Variants in PSMA6 observed in about 807,000 individuals in gnomAD.
PSMA6 encodes proteasome subunit alpha type-6.
For missense variants in PSMA6, 170 were observed against 294.8 expected (o/e 0.58, Z 3.10); for synonymous variants, 88 against 97.7 (o/e 0.90, Z 0.59).
intron 6 of PSMA6, chr14:35,316,554 T>C (rs1488992017): frequency 6.6e-6 from 1 of 151,892 alleles, no homozygotes; most frequent in Non-Finnish European, 1.5e-5. Flanking sequence ...TGACATAAAT[T>C]TCAGTTATAC....
At chr14:35,293,612 CT>C (rs1169020032) in intron 1 of PSMA6, among the ~76,000 whole-genome samples, 2 of 152,194 alleles carry the variant, frequency 1.3e-5, no homozygotes, top group African/African-American at 4.8e-5. Context: ...TGGAATGAAA[CT>C]GCTCAGTGTA....
At chr14:35,280,105 T>C (rs1180768811) in intron 1 of PSMA6, among the ~76,000 whole-genome samples, 1 of 147,066 alleles carries the variant, frequency 6.8e-6, no homozygotes. Context: ...AGCTCCAGCC[T>C]GGGCGACAGA....
chr14:35,287,931 T>G (rs1422701818), upstream of PSMA6, among the ~76,000 whole-genome samples: 1 of 60,946 alleles, frequency 1.6e-5, no homozygotes, highest in Non-Finnish European at 3.3e-5. Context: ...GATTTCCCTT[T>G]GAATGGAATT....
At position 35,317,393 on chromosome 14, in the gene PSMA6, G is replaced by GAAAAAAAAAAA; in HGVS notation, c.*92_*93insAAAAAAAAAAA. On this transcript the variant is annotated 3_prime_UTR_variant, in exon 7 of 7. Coordinates refer to ENST00000261479, the MANE Select transcript of PSMA6 (RefSeq NM_002791.3). ...CCAACATCATGGAGGTCCCTGGATTGAAAAAGGAGCCTCTCCCACTCCTCC... is the reference window on the plus strand; with the variant it reads ...CCAACATCATGGAGGTCCCTGGATTGAAAAAAAAAAAAAAAAGGAGCCTCTCCCACTCCTCC... The GAAAAAAAAAAA allele has an allele frequency of 8.3e-7, 1 of 1,207,170 alleles. No individual in the cohort carries two copies. Among genetic ancestry groups the GAAAAAAAAAAA allele is most frequent in the African/African-American group, 1.5e-5 (1 of 66,106 alleles). The allele number at this position is 1,207,170 out of a possible 1,614,324, so 74.8% of individuals were successfully genotyped here. A position where few individuals can be genotyped will look rare whatever the true frequency, so the allele number is the denominator to read the frequency against.
intron 1 of PSMA6, among the ~76,000 whole-genome samples, chr14:35,298,092 G>T (rs951782782): frequency 3.3e-5 from 5 of 152,102 alleles, no homozygotes; most frequent in African/African-American, 1.2e-4. Flanking sequence ...TGGCAGTTTC[G>T]TGTGGTTCAA....
intron 5 of PSMA6, 78 bp downstream of exon 5, chr14:35,313,137 C>G (rs909507527): frequency 5.3e-5 from 68 of 1,288,890 alleles, no homozygotes; most frequent in Non-Finnish European, 7.0e-5. Context: ...CTATACAAAG[C>G]TATTCCTGAA....
chr14:35,300,939 A>G (rs1160352495), intron 1 of PSMA6, among the ~76,000 whole-genome samples: 3 of 152,208 alleles, frequency 2.0e-5, no homozygotes, highest in Non-Finnish European at 4.4e-5. Context: ...ATTTTTAGAC[A>G]TGTCTGTGGC....
chr14:35,310,247 C>T (rs1315897224), intron 3 of PSMA6: 3 of 429,190 alleles, frequency 7.0e-6, no homozygotes, highest in Non-Finnish European at 1.4e-5. Flanking sequence ...TGCTCCGCCT[C>T]CTGGGTTCAA....
At chr14:35,300,737 C>T (rs1036882130) in intron 1 of PSMA6, among the ~76,000 whole-genome samples, 7 of 152,140 alleles carry the variant, frequency 4.6e-5, no homozygotes, top group Middle Eastern at 3.2e-3. Flanking sequence ...CCCTTTCCCA[C>T]GCACTTTCCC....
At chr14:35,287,252 C>G (rs1160536354) in intron 1 of PSMA6, among the ~76,000 whole-genome samples, 2 of 152,132 alleles carry the variant, frequency 1.3e-5, no homozygotes, top group African/African-American at 4.8e-5. Context: ...TCCTACGTCC[C>G]TTTCTTTACC....
intron 1 of PSMA6, among the ~76,000 whole-genome samples, chr14:35,307,178 A>G (rs1486721915): frequency 2.0e-5 from 3 of 152,152 alleles, no homozygotes; most frequent in Middle Eastern, 3.2e-3. Flanking sequence ...GTTGTAGGTA[A>G]CATAAAAATT....
intron 1 of PSMA6, among the ~76,000 whole-genome samples, chr14:35,302,039 G>T (rs1034707979): frequency 2.0e-5 from 3 of 150,878 alleles, no homozygotes; most frequent in African/African-American, 7.4e-5. Flanking sequence ...AGTGTTACTA[G>T]AATTTTTTTT....
intron 4 of PSMA6, 91 bp downstream of exon 4, chr14:35,310,986 C>G: frequency 1.5e-6 from 2 of 1,306,496 alleles, no homozygotes; most frequent in Non-Finnish European, 2.1e-6. Context: ...CACTTGAGTT[C>G]TGAACATGTG....
intron 1 of PSMA6, among the ~76,000 whole-genome samples, chr14:35,282,444 A>G (rs2051375855): frequency 6.6e-6 from 1 of 151,310 alleles, no homozygotes. Flanking sequence ...TTTTTTTTTT[A>G]CAGACAGGGT....
chr14:35,315,033 A>G (rs895168777), intron 6 of PSMA6: 3 of 151,052 alleles, frequency 2.0e-5, no homozygotes, highest in Admixed American at 1.3e-4. Flanking sequence ...TATAGCTTCC[A>G]TGATTCAAAT....
chr14:35,306,623 C>T (rs182027536), intron 1 of PSMA6, among the ~76,000 whole-genome samples: 56 of 152,232 alleles, frequency 3.7e-4, no homozygotes, highest in African/African-American at 1.3e-3. Flanking sequence ...AGGAGAATCG[C>T]TTGAGCCCGG....
intron 1 of PSMA6, among the ~76,000 whole-genome samples, chr14:35,303,913 T>C (rs996253874): frequency 2.0e-5 from 3 of 152,132 alleles, no homozygotes; most frequent in South Asian, 2.1e-4. Context: ...TTCTTTCTTT[T>C]TTTTTTTTTA....
At chr14:35,302,955 T>A (rs2051744867) in intron 1 of PSMA6, among the ~76,000 whole-genome samples, 1 of 152,224 alleles carries the variant, frequency 6.6e-6, no homozygotes, top group South Asian at 2.1e-4. Context: ...TTGTTTTTAA[T>A]TCTTTGCTAA....
intron 1 of PSMA6, among the ~76,000 whole-genome samples, chr14:35,297,433 T>A (rs930472213): frequency 6.6e-6 from 1 of 152,108 alleles, no homozygotes; most frequent in Non-Finnish European, 1.5e-5. Context: ...GCCAGGATGG[T>A]CTCAGTCTCC....
Sources: gnomAD v4.1 joint callset for allele counts (sites outside exome capture counted in the v4.1 genomes callset) on GRCh38, gnomAD v4.1.1 for gene constraint, MANE v1.5 for transcripts, NCBI Gene and HGNC (gene_info 2026-07-23, HGNC 2026-07-21) for gene names.